The following ATP8A2 variants were observed in gnomAD, a reference collection of about 807,000 sequenced individuals.
The protein encoded by ATP8A2 is phospholipid-transporting ATPase IB.
In ATP8A2, 100 loss-of-function variants were observed where a neutral mutation model predicts 165.6. That is an observed-to-expected ratio of 0.60 (90% CI 0.51 to 0.71). The LOEUF is 0.71. Among genes scored for constraint, ATP8A2 ranks in the 30% least tolerant of loss-of-function variants. ATP8A2 has a pLI of 0.00. For missense variants in ATP8A2, 1,227 were observed against 1,479.5 expected (o/e 0.83, Z 2.80); for synonymous variants, 543 against 548.8 (o/e 0.99, Z 0.15).
At chr13:25,511,805 C>T in intron 2 of ATP8A2, among the ~76,000 whole-genome samples, 1 of 151,624 alleles carries the variant, frequency 6.6e-6, no homozygotes, top group Non-Finnish European at 1.5e-5. Context: ...TGTACCCTTT[C>T]AATCAGAAAT....
chr13:25,886,858 A>G (rs1475205358), intron 33 of ATP8A2, among the ~76,000 whole-genome samples: 1 of 152,146 alleles, frequency 6.6e-6, no homozygotes. Flanking sequence ...CATAGGCTTT[A>G]TTTACATGGT....
intron 28 of ATP8A2, among the ~76,000 whole-genome samples, chr13:25,832,219 T>C (rs1593418256): frequency 6.6e-6 from 1 of 152,260 alleles, no homozygotes; most frequent in East Asian, 1.9e-4. Flanking sequence ...ATTACAGGCG[T>C]GAGCCACTGT....
At chr13:25,539,615 GC>G (rs2038405441) in intron 7 of ATP8A2, among the ~76,000 whole-genome samples, 1 of 152,054 alleles carries the variant, frequency 6.6e-6, no homozygotes, top group Non-Finnish European at 1.5e-5. Flanking sequence ...TAAACAATTT[GC>G]CAAGGCCATA....
chr13:25,984,112 A>G (rs1451635579), intron 35 of ATP8A2, among the ~76,000 whole-genome samples: 2 of 151,116 alleles, frequency 1.3e-5, no homozygotes, highest in African/African-American at 4.9e-5. Flanking sequence ...TGGTGCGTGC[A>G]TGTGGTCCCA....
At chr13:25,595,120 C>A (rs1320990530) in intron 24 of ATP8A2, among the ~76,000 whole-genome samples, 3 of 151,598 alleles carry the variant, frequency 2.0e-5, no homozygotes, top group Admixed American at 2.0e-4. Flanking sequence ...AGTAATTAAA[C>A]AAATTGTGAA....
intron 1 of ATP8A2, among the ~76,000 whole-genome samples, chr13:25,406,263 C>T (rs1437693513): frequency 1.3e-5 from 2 of 152,198 alleles, no homozygotes; most frequent in Non-Finnish European, 2.9e-5. Flanking sequence ...GTGCTATTAT[C>T]CTTCAAATCC....
intron 25 of ATP8A2, among the ~76,000 whole-genome samples, chr13:25,703,010 A>G (rs2042982408): frequency 6.6e-6 from 1 of 151,982 alleles, no homozygotes; most frequent in East Asian, 1.9e-4. Context: ...GGCCTCATTC[A>G]TCTTATACAT....
intron 2 of ATP8A2, among the ~76,000 whole-genome samples, chr13:25,504,536 C>T (rs1421222798): frequency 1.4e-5 from 2 of 143,028 alleles, no homozygotes; most frequent in South Asian, 4.4e-4. Flanking sequence ...GTCAGGAGAT[C>T]GAGACCATCC....
chr13:25,888,426 T>C (rs1044023997), intron 33 of ATP8A2, among the ~76,000 whole-genome samples: 1 of 152,132 alleles, frequency 6.6e-6, no homozygotes, highest in Non-Finnish European at 1.5e-5. Flanking sequence ...CTGCGTCAAG[T>C]TCAGAAAAAG....
chr13:25,781,578 T>C (rs2044880678), intron 27 of ATP8A2, among the ~76,000 whole-genome samples: 1 of 152,090 alleles, frequency 6.6e-6, no homozygotes, highest in Non-Finnish European at 1.5e-5. Context: ...AACCTCCGCC[T>C]TCCAGGTTCA....
chr13:25,720,813 T>C (rs779350332), intron 25 of ATP8A2, among the ~76,000 whole-genome samples: 72 of 152,342 alleles, frequency 4.7e-4, no homozygotes, highest in Non-Finnish European at 8.1e-4. Context: ...CGACAGCCTC[T>C]GCTAAGAACT....
chr13:25,398,313 G>C (rs1056547523), intron 1 of ATP8A2, among the ~76,000 whole-genome samples: 1 of 152,150 alleles, frequency 6.6e-6, no homozygotes, highest in African/African-American at 2.4e-5. Flanking sequence ...TCAGTCTTTG[G>C]ATCTCTACTT....
chr13:25,835,066 G>A (rs1951571092), intron 28 of ATP8A2, among the ~76,000 whole-genome samples: 1 of 152,028 alleles, frequency 6.6e-6, no homozygotes, highest in African/African-American at 2.4e-5. Flanking sequence ...GCATGGTGAT[G>A]AAGGGCAGGG....
At chr13:25,426,864 T>G (rs960617544) in intron 1 of ATP8A2, among the ~76,000 whole-genome samples, 23 of 152,164 alleles carry the variant, frequency 1.5e-4, no homozygotes, top group Non-Finnish European at 2.9e-4. Context: ...GAGAATCGAC[T>G]GAATCTGGGA....
chr13:25,921,410 G>A (rs1241866819), intron 33 of ATP8A2, among the ~76,000 whole-genome samples: 1 of 151,318 alleles, frequency 6.6e-6, no homozygotes, highest in African/African-American at 2.4e-5. Flanking sequence ...GAGGTCAGAA[G>A]TTCAAGACCA....
rs1955841794 is a variant in ATP8A2 at position 25,968,666 on chromosome 13, A to G, written c.3364A>G (p.Ser1122Gly). The part of the protein sequence containing the change: ...RVLGKAVLRD[S>G]NGKRLNERDR... ...CCTGGGAAAAGCGGTGCTGCGGGAT[A>G]GCAATGGAAAGAGGTGGGGAACTCC... The change falls in exon 35 of 37, where the codon AGC becomes GGC. Residue 1122 changes from serine (S) to glycine (G), a missense_variant. Ser to Gly is a moderately conservative substitution (Grantham distance 56, BLOSUM62 0). Around this residue, in one of 5 missense-constraint regions of ATP8A2, gnomAD observed 260 missense variants for 245.1 expected, o/e 1.06. Transcript: ENST00000381655. 2.5e-6 allele frequency: 4 copies of G among 1,613,324 alleles called. No homozygotes were observed. The highest frequency in any genetic ancestry group is 3.4e-6 in the Non-Finnish European group (4 of 1,179,800).
At chr13:25,414,804 T>C (rs1044101330) in intron 1 of ATP8A2, among the ~76,000 whole-genome samples, 5 of 152,218 alleles carry the variant, frequency 3.3e-5, no homozygotes, top group Non-Finnish European at 7.3e-5. Context: ...GTATACTTCA[T>C]TCTGAGAGAA....
rs34808241 is a variant in ATP8A2 at position 25,984,236 on chromosome 13, C to CAAAAA, written c.3377+15564_3377+15568dup. Reference sequence around the variant, plus strand: ...TGGGTGACAGAGCAAGAAACCGTCTCAAAAAAAAAAAGTTATCCAGGAGTA... The same window carrying CAAAAA: ...TGGGTGACAGAGCAAGAAACCGTCTCAAAAAAAAAAAAAAAAGTTATCCAGGAGTA... On this transcript the variant is annotated intron_variant, in intron 35 of 36. Coordinates refer to ENST00000381655, the MANE Select transcript of ATP8A2 (RefSeq NM_016529.6). 6.5e-3 allele frequency among the ~76,000 whole-genome samples: 945 copies of CAAAAA among 144,836 alleles called. 5 individuals are homozygous for CAAAAA. The highest frequency in any genetic ancestry group is 0.028 in the Middle Eastern group (8 of 284).
intron 24 of ATP8A2, among the ~76,000 whole-genome samples, chr13:25,634,816 T>A (rs2041330083): frequency 6.6e-6 from 1 of 152,148 alleles, no homozygotes; most frequent in Non-Finnish European, 1.5e-5. Context: ...TGATATCTGA[T>A]CAAGCAGAGG....
Sources: gnomAD v4.1 joint callset for allele counts (sites outside exome capture counted in the v4.1 genomes callset) on GRCh38, gnomAD v4.1.1 for gene constraint, gnomAD v4.1.1 regional missense constraint, MANE v1.5 for transcripts, NCBI Gene and HGNC (gene_info 2026-07-23, HGNC 2026-07-21) for gene names.